Variants in SRRM5 observed in about 807,000 individuals in gnomAD.
SRRM5 encodes the protein serine/arginine repetitive matrix 5.
In SRRM5, 1 loss-of-function variant was observed where a neutral mutation model predicts 1.3. The ratio of observed to expected loss-of-function variants is 0.76; its 90% CI spans 0.27 to 3.59. The LOEUF (loss-of-function observed/expected upper bound fraction) is 3.59. SRRM5 is among the 30% of genes most tolerant of loss of function. The pLI is 0.19. For missense variants in SRRM5, 875 were observed against 914.5 expected, an observed-to-expected ratio of 0.96 and a Z score of 0.56; for synonymous variants, 275 against 320.2, an observed-to-expected ratio of 0.86 and a Z score of 1.51.
Position 43,612,283 on chromosome 19 carries a change from C to T in SRRM5, c.162C>T (p.Asn54=). 6.4e-7 allele frequency: 1 copy of T among 1,551,704 alleles called. No homozygotes were observed. The highest frequency in any genetic ancestry group is 1.4e-5 in the African/African-American group (1 of 73,156). The part of the protein sequence containing the change: ...LVPTKPATSR[N]SVMSPSSSKS... ...CCACCAAACCAGCGACATCCCGTAA[C>T]TCAGTCATGAGCCCAAGCAGTTCCA... The change falls in exon 1 of 1, where the codon AAC becomes AAT. Residue 54 remains asparagine, a synonymous_variant. Transcript: ENST00000417606. The surrounding 1 kb of genome is among the most constrained non-coding windows in gnomAD (Gnocchi z 4.2).
rs1408365097 is a variant in SRRM5, at chr19:43,613,448, C to T, written c.1327C>T (p.Pro443Ser). ...KARDCSRSRS[P>S]YKARDRSRSR... Reference sequence around the variant, plus strand: ...GAGAGATTGCAGCCGATCTAGAAGTCCCTACAAGGCGAGAGATCGCAGCCG... The same window carrying T: ...GAGAGATTGCAGCCGATCTAGAAGTTCCTACAAGGCGAGAGATCGCAGCCG... Residue 443 changes from proline (P) to serine (S), a missense_variant, in exon 1 of 1, where the codon CCC (proline) becomes TCC (serine). Physicochemically the swap from Pro to Ser is moderately conservative, Grantham distance 74 (BLOSUM62 -1). Coordinates refer to ENST00000417606, the MANE Select transcript of SRRM5 (RefSeq NM_001145641.2). The T allele has an allele frequency of 5.2e-6, 8 of 1,544,864 alleles. No homozygotes were observed. The South Asian group carries it at 8.4e-5, about 16-fold the overall frequency.
Position 43,613,888 on chromosome 19 carries a change from G to A in SRRM5, c.1767G>A (p.Glu589=), listed in dbSNP as rs1469505688. 3 of 1,551,382 alleles carry A rather than the reference G, an allele frequency of 1.9e-6. No individual in the cohort carries two copies. The highest frequency in any genetic ancestry group is 2.6e-6 in the Non-Finnish European group (3 of 1,146,916). ...RERRQSRSSS[E]ERDHSRSRSP... Reference sequence around the variant, plus strand: ...GCAGACAATCTAGAAGCTCCAGCGAGGAGAGAGATCACAGCCGATCTAGAA... The same window carrying A: ...GCAGACAATCTAGAAGCTCCAGCGAAGAGAGAGATCACAGCCGATCTAGAA... The change falls in exon 1 of 1, where the codon GAG becomes GAA. Residue 589 remains glutamate (E), a synonymous_variant. Coordinates refer to ENST00000417606, the MANE Select transcript of SRRM5 (RefSeq NM_001145641.2).
rs865822418 is a variant in SRRM5 at position 43,613,880 on chromosome 19, T to A, written c.1759T>A (p.Ser587Thr). The A allele has an allele frequency of 6.5e-7, 1 of 1,545,492 alleles. No homozygotes were observed. The highest frequency in any genetic ancestry group is 1.4e-5 in the African/African-American group (1 of 70,812). Residue 587 changes from serine (S) to threonine (T), a missense_variant, in exon 1 of 1, where the codon TCC becomes ACC. Transcript: ENST00000417606. ...KERERRQSRS[S>T]SEERDHSRSR... is the part of the protein sequence containing the mutation. ...GAGAGAGCGCAGACAATCTAGAAGC[T>A]CCAGCGAGGAGAGAGATCACAGCCG...
chr19:43,613,971 A>G lies in SRRM5; in HGVS notation c.1850A>G (p.His617Arg). The G allele has an allele frequency of 1.3e-6, 2 of 1,551,716 alleles. No individual in the cohort carries two copies. Among genetic ancestry groups the G allele is most frequent in the South Asian group, 1.2e-5 (1 of 84,068 alleles). Residue 617 changes from histidine (H) to arginine (R), a missense_variant, in exon 1 of 1, where the codon CAT becomes CGT. His to Arg is a conservative substitution (Grantham distance 29). Coordinates refer to ENST00000417606, the MANE Select transcript of SRRM5 (RefSeq NM_001145641.2). ...RPRASSKEKA[H>R]SRSRTPSKEG... ...AGAGCCTCCAGCAAGGAGAAAGCTC[A>G]TAGCCGATCTAGAACCCCCAGCAAA...
rs1973308394 is a variant in SRRM5, at chr19:43,612,413, A to G, written c.292A>G (p.Thr98Ala). 2 of 1,551,546 alleles carry G rather than the reference A, an allele frequency of 1.3e-6. No homozygotes were observed. The highest frequency in any genetic ancestry group is 2.7e-5 in the African/African-American group (2 of 73,018). Residue 98 changes from threonine (T) to alanine (A), a missense_variant, in exon 1 of 1, where the codon ACC becomes GCC. Physicochemically the swap from Thr to Ala is moderately conservative, Grantham distance 58. Coordinates refer to ENST00000417606, the MANE Select transcript of SRRM5 (RefSeq NM_001145641.2). This position sits in a 1 kb window ranked among gnomAD's most constrained non-coding sequence, Gnocchi z 4.2. ...AACACCCAGCAGGGTGAGCACCGACACCAGGACCAGCAAAGCCAGCAAGGC... is the reference window on the plus strand; with the variant it reads ...AACACCCAGCAGGGTGAGCACCGACGCCAGGACCAGCAAAGCCAGCAAGGC... Reference protein sequence around the residue: ...ARTPSRVSTDTRTSKASKASD... With the variant: ...ARTPSRVSTDARTSKASKASD...
chr19:43,612,334 A>G lies in SRRM5; in HGVS notation c.213A>G (p.Lys71=), dbSNP rs1973306892. ...AGTCCACCAAATCGACCAGTACAAAAAGAGCCCCTTCTAACCGGCCCAGCA... is the reference window on the plus strand; with the variant it reads ...AGTCCACCAAATCGACCAGTACAAAGAGAGCCCCTTCTAACCGGCCCAGCA... ...SSKSTKSTST[K]RAPSNRPSSR... Residue 71 remains lysine, a synonymous_variant, in exon 1 of 1, where the codon AAA becomes AAG. Coordinates refer to ENST00000417606, the MANE Select transcript of SRRM5 (RefSeq NM_001145641.2). This position sits in a 1 kb window ranked among gnomAD's most constrained non-coding sequence, Gnocchi z 4.2. 6.4e-7 allele frequency: 1 copy of G among 1,551,674 alleles called. No homozygotes were observed. The highest frequency in any genetic ancestry group is 2.0e-5 in the Admixed American group (1 of 50,982).
chr19:43,613,299 G>A lies in SRRM5; in HGVS notation c.1178G>A (p.Gly393Glu). The change falls in exon 1 of 1, where the codon GGA (glycine) becomes GAA (glutamate). Residue 393 changes from glycine to glutamate, a missense_variant. Physicochemically the swap from Gly to Glu is moderately conservative, Grantham distance 98. Transcript: ENST00000417606. ...PRKESGRSQS[G>E]SPNKQRDHSR... ...AAGGAGAGTGGTCGCAGTCAATCAGGAAGCCCCAACAAGCAGAGAGATCAC... is the reference window on the plus strand; with the variant it reads ...AAGGAGAGTGGTCGCAGTCAATCAGAAAGCCCCAACAAGCAGAGAGATCAC... The A allele has an allele frequency of 6.4e-7, 1 of 1,551,624 alleles. No homozygotes were observed. The highest frequency in any genetic ancestry group is 8.7e-7 in the Non-Finnish European group (1 of 1,146,998).
rs1477734727 is a variant in SRRM5, at chr19:43,613,482, G to T, written c.1361G>T (p.Ser454Ile). The T allele has an allele frequency of 6.5e-7, 1 of 1,544,972 alleles. No homozygotes were observed. The highest frequency in any genetic ancestry group is 8.7e-7 in the Non-Finnish European group (1 of 1,146,138). Residue 454 changes from serine (S) to isoleucine (I), a missense_variant, in exon 1 of 1, where the codon AGT becomes ATT. Physicochemically the swap from Ser to Ile is moderately radical, Grantham distance 142. Transcript: ENST00000417606. ...YKARDRSRSR[S>I]PNKARDHSRS... ...GCGAGAGATCGCAGCCGATCTAGAA[G>T]TCCCAACAAGGCAAGAGATCATAGC...
rs1399718880 is a variant in SRRM5 at position 43,612,838 on chromosome 19, A to C, written c.717A>C (p.Ser239=). Residue 239 remains serine (S), a synonymous_variant, in exon 1 of 1, where the codon TCA becomes TCC. Coordinates refer to ENST00000417606, the MANE Select transcript of SRRM5 (RefSeq NM_001145641.2). The surrounding 1 kb of genome is among the most constrained non-coding windows in gnomAD (Gnocchi z 4.2). ...GTGACAACCCATCTCCATCCTCATC[A>C]AGGAAGGTGAAGAGCTACGGTCAGA... The part of the protein sequence containing the change: ...EKSDNPSPSS[S]RKVKSYGQMI... 2 of 1,551,602 alleles carry C rather than the reference A, an allele frequency of 1.3e-6. No homozygotes were observed. The highest frequency in any genetic ancestry group is 2.4e-5 in the East Asian group (1 of 40,920).
chr19:43,614,381 A>G lies in SRRM5; in HGVS notation c.*112A>G. On this transcript the variant is annotated 3_prime_UTR_variant, in exon 1 of 1. Coordinates refer to ENST00000417606, the MANE Select transcript of SRRM5 (RefSeq NM_001145641.2). ...CCTCCCCGGCCAGCTCTCCACAGCCACACCTCCGGCCACAAGTTCTCTAAT... is the reference window on the plus strand; with the variant it reads ...CCTCCCCGGCCAGCTCTCCACAGCCGCACCTCCGGCCACAAGTTCTCTAAT... 1 of 1,516,698 alleles carries G rather than the reference A, an allele frequency of 6.6e-7. No individual in the cohort carries two copies. The highest frequency in any genetic ancestry group is 8.8e-7 in the Non-Finnish European group (1 of 1,137,320). The allele number at this position is 1,516,698 out of a possible 1,614,324, so 94.0% of individuals were successfully genotyped here.
In SRRM5 at chr19:43,613,164, G is replaced by T; in HGVS notation, c.1043G>T (p.Arg348Ile). 2.6e-6 allele frequency: 4 copies of T among 1,551,678 alleles called. No individual in the cohort carries two copies. The South Asian group carries it at 4.8e-5, about 18-fold the overall frequency. The change falls in exon 1 of 1, where the codon AGA (arginine) becomes ATA (isoleucine). Residue 348 changes from arginine to isoleucine, a missense_variant. Coordinates refer to ENST00000417606, the MANE Select transcript of SRRM5 (RefSeq NM_001145641.2). ...GKSQNQSRTP[R>I]RGRSHNWSRN... ...AGTCAAAACCAATCTAGAACCCCCA[G>T]AAGAGGAAGAAGTCACAACTGGTCT...
chr19:43,613,885 CGAG>C lies in SRRM5; in HGVS notation c.1768_1770del (p.Glu590del), dbSNP rs1252745570. 1 of 1,551,624 alleles carries C rather than the reference CGAG, an allele frequency of 6.4e-7. No homozygotes were observed. Among genetic ancestry groups the C allele is most frequent in the Non-Finnish European group, 8.7e-7 (1 of 1,146,962 alleles). ...AGCGCAGACAATCTAGAAGCTCCAG[CGAG>C]GAGAGAGATCACAGCCGATCTAGAA... On this transcript the variant is annotated inframe_deletion, in exon 1 of 1. Transcript: ENST00000417606.
rs1413680570 is a variant in SRRM5 at position 43,613,033 on chromosome 19, T to A, written c.912T>A (p.Ser304Arg). 2 of 1,551,344 alleles carry A rather than the reference T, an allele frequency of 1.3e-6. No individual in the cohort carries two copies. Among genetic ancestry groups the A allele is most frequent in the African/African-American group, 2.7e-5 (2 of 73,046 alleles). ...SQKRTHSRVR[S>R]HSWKRNHSRA... ...AGAGGACGCACAGCAGAGTGAGAAG[T>A]CACAGTTGGAAGAGAAACCATAGCA... Residue 304 changes from serine (S) to arginine (R), a missense_variant, in exon 1 of 1, where the codon AGT (serine) becomes AGA (arginine). Coordinates refer to ENST00000417606, the MANE Select transcript of SRRM5 (RefSeq NM_001145641.2).
chr19:43,614,193 G>A lies in SRRM5; in HGVS notation c.2072G>A (p.Ser691Asn). 6.2e-7 allele frequency: 1 copy of A among 1,614,206 alleles called. No individual in the cohort carries two copies. The highest frequency in any genetic ancestry group is 8.5e-7 in the Non-Finnish European group (1 of 1,180,030). Reference protein sequence around the residue: ...SGGQTLSQDDSQADATTSKAT... With the variant: ...SGGQTLSQDDNQADATTSKAT... ...GGCCAAACCCTAAGCCAGGATGACAGTCAAGCCGACGCCACCACCTCTAAG... is the reference window on the plus strand; with the variant it reads ...GGCCAAACCCTAAGCCAGGATGACAATCAAGCCGACGCCACCACCTCTAAG... The change falls in exon 1 of 1, where the codon AGT (serine) becomes AAT (asparagine). Residue 691 changes from serine to asparagine, a missense_variant. Transcript: ENST00000417606.
chr19:43,612,279 G>A lies in SRRM5; in HGVS notation c.158G>A (p.Arg53His), dbSNP rs533532185. 5.8e-6 allele frequency: 9 copies of A among 1,551,494 alleles called. No homozygotes were observed. The highest frequency in any genetic ancestry group is 2.4e-5 in the East Asian group (1 of 40,916). ...SLVPTKPATSRNSVMSPSSSK... is the reference protein window; with the variant it reads ...SLVPTKPATSHNSVMSPSSSK... ...GTGCCCACCAAACCAGCGACATCCC[G>A]TAACTCAGTCATGAGCCCAAGCAGT... Residue 53 changes from arginine to histidine, a missense_variant, in exon 1 of 1, where the codon CGT becomes CAT. By Grantham distance (29) the Arg-to-His change is conservative. Coordinates refer to ENST00000417606, the MANE Select transcript of SRRM5 (RefSeq NM_001145641.2). This position sits in a 1 kb window ranked among gnomAD's most constrained non-coding sequence, Gnocchi z 4.2.
At position 43,612,697 on chromosome 19, in the gene SRRM5, CAAG is replaced by C; in HGVS notation, c.581_583del (p.Lys194del). 5 of 1,551,548 alleles carry C rather than the reference CAAG, an allele frequency of 3.2e-6. No individual in the cohort carries two copies. The highest frequency in any genetic ancestry group is 4.4e-6 in the Non-Finnish European group (5 of 1,146,984). On this transcript the variant is annotated inframe_deletion, in exon 1 of 1. Coordinates refer to ENST00000417606, the MANE Select transcript of SRRM5 (RefSeq NM_001145641.2). The surrounding 1 kb of genome is among the most constrained non-coding windows in gnomAD (Gnocchi z 4.2). ...GTGACAGCCAGCCTAGAAATCTGAGCAAGAAGAGTTACCGCCCACCAGGAGGCT... is the reference window on the plus strand; with the variant it reads ...GTGACAGCCAGCCTAGAAATCTGAGCAAGAGTTACCGCCCACCAGGAGGCT...
chr19:43,612,278 C>G lies in SRRM5; in HGVS notation c.157C>G (p.Arg53Gly). 6.4e-7 allele frequency: 1 copy of G among 1,551,672 alleles called. No homozygotes were observed. The highest frequency in any genetic ancestry group is 8.7e-7 in the Non-Finnish European group (1 of 1,147,004). Residue 53 changes from arginine to glycine, a missense_variant, in exon 1 of 1, where the codon CGT (arginine) becomes GGT (glycine). Coordinates refer to ENST00000417606, the MANE Select transcript of SRRM5 (RefSeq NM_001145641.2). The surrounding 1 kb of genome is among the most constrained non-coding windows in gnomAD (Gnocchi z 4.2). The part of the protein sequence containing the change: ...SLVPTKPATS[R>G]NSVMSPSSSK... Reference sequence around the variant, plus strand: ...AGTGCCCACCAAACCAGCGACATCCCGTAACTCAGTCATGAGCCCAAGCAG... The same window carrying G: ...AGTGCCCACCAAACCAGCGACATCCGGTAACTCAGTCATGAGCCCAAGCAG...
In SRRM5 at chr19:43,612,861, AGAT is replaced by A. The variant is rs1340903469; in HGVS notation, c.744_746del (p.Met248del). 6.4e-7 allele frequency: 1 copy of A among 1,551,730 alleles called. No individual in the cohort carries two copies. The highest frequency in any genetic ancestry group is 1.2e-5 in the South Asian group (1 of 84,066). Reference sequence around the variant, plus strand: ...TCAAGGAAGGTGAAGAGCTACGGTCAGATGATCATCCCCAGTAGGGAAAAGAGT... The same window carrying A: ...TCAAGGAAGGTGAAGAGCTACGGTCAGATCATCCCCAGTAGGGAAAAGAGT... On this transcript the variant is annotated inframe_deletion, in exon 1 of 1. Coordinates refer to ENST00000417606, the MANE Select transcript of SRRM5 (RefSeq NM_001145641.2). The surrounding 1 kb of genome is among the most constrained non-coding windows in gnomAD (Gnocchi z 4.2).
chr19:43,613,853 G>A lies in SRRM5; in HGVS notation c.1732G>A (p.Glu578Lys). ...DRRRWRSPSKERERRQSRSSS... is the reference protein window; with the variant it reads ...DRRRWRSPSKKRERRQSRSSS... ...CAGACGATGGAGAAGCCCCAGCAAG[G>A]AGAGAGAGCGCAGACAATCTAGAAG... The change falls in exon 1 of 1, where the codon GAG becomes AAG. Residue 578 changes from glutamate to lysine, a missense_variant. Glu to Lys is a moderately conservative substitution (Grantham distance 56). Coordinates refer to ENST00000417606, the MANE Select transcript of SRRM5 (RefSeq NM_001145641.2). 2 of 1,551,460 alleles carry A rather than the reference G, an allele frequency of 1.3e-6. No individual in the cohort carries two copies. The highest frequency in any genetic ancestry group is 1.7e-6 in the Non-Finnish European group (2 of 1,146,790).
Sources: allele counts gnomAD v4.1 joint callset, GRCh38; gene constraint gnomAD v4.1.1; non-coding constraint Gnocchi (gnomAD v3.1); transcripts MANE v1.5; gene names NCBI Gene and HGNC (gene_info 2026-07-23, HGNC 2026-07-21).